Variants in DLG2 observed in about 807,000 individuals in gnomAD.
DLG2 encodes disks large homolog 2.
Under a neutral mutation model 132.5 loss-of-function variants are expected in DLG2, and 45 were observed. The ratio of observed to expected loss-of-function variants is 0.34; its 90% CI spans 0.27 to 0.44. The LOEUF (loss-of-function observed/expected upper bound fraction) is 0.44, where lower values mean the gene tolerates loss of function less well. DLG2 is among the 20% of genes least tolerant of loss of function. The pLI, the probability that DLG2 is intolerant of heterozygous loss-of-function variation, is 1.00. For missense variants in DLG2, 1,045 were observed against 1,196.9 expected, an observed-to-expected ratio of 0.87 and a Z score of 1.87; for synonymous variants, 424 against 419.6, an observed-to-expected ratio of 1.01 and a Z score of -0.13.
At chr11:83,623,210 T>C (rs1220779337) in intron 19 of DLG2, among the ~76,000 whole-genome samples, 2 of 152,296 alleles carry the variant, frequency 1.3e-5, no homozygotes, top group East Asian at 1.9e-4. Context: ...TTAAAGTCTA[T>C]TTTATTTGAT....
At chr11:83,891,087 A>C (rs1259136509) in intron 15 of DLG2, among the ~76,000 whole-genome samples, 3 of 152,200 alleles carry the variant, frequency 2.0e-5, no homozygotes, top group Admixed American at 2.0e-4. Context: ...TTACAGTTTA[A>C]TCTCAGAAGT....
intron 10 of DLG2, among the ~76,000 whole-genome samples, chr11:84,070,560 A>G (rs536167601): frequency 1.3e-5 from 2 of 152,354 alleles, no homozygotes; most frequent in South Asian, 4.1e-4. Context: ...ATCTACTCCA[A>G]TCCCAGAAAT....
intron 16 of DLG2, among the ~76,000 whole-genome samples, chr11:83,849,749 C>CTT (rs67717983): frequency 6.8e-6 from 1 of 145,988 alleles, no homozygotes; most frequent in Admixed American, 6.8e-5. Context: ...TCTGGAGCTC[C>CTT]TTTTTTTTTT....
At chr11:84,082,049 T>G (rs1049430131) in intron 10 of DLG2, among the ~76,000 whole-genome samples, 3 of 152,222 alleles carry the variant, frequency 2.0e-5, no homozygotes, top group African/African-American at 7.2e-5. Flanking sequence ...ACTGTGGTTT[T>G]GATTTGCATT....
chr11:84,738,674 C>CTGGTGGGAATGTAAAA (rs2064187680), intron 6 of DLG2, among the ~76,000 whole-genome samples: 1 of 152,112 alleles, frequency 6.6e-6, no homozygotes, highest in Non-Finnish European at 1.5e-5. Context: ...CCCTACATTG[C>CTGGTGGGAATGTAAAA]TGGTGGGAAT....
At chr11:84,725,524 G>A (rs541258743) in intron 6 of DLG2, among the ~76,000 whole-genome samples, 1 of 152,228 alleles carries the variant, frequency 6.6e-6, no homozygotes, top group African/African-American at 2.4e-5. Context: ...GGCAGAGAGG[G>A]ATATGAATGT....
At chr11:85,572,896 T>C (rs917312720) in intron 3 of DLG2, among the ~76,000 whole-genome samples, 1 of 152,204 alleles carries the variant, frequency 6.6e-6, no homozygotes, top group African/African-American at 2.4e-5. Flanking sequence ...TAATCCTCAA[T>C]GTTGGAGGTA....
In DLG2 at chr11:85,392,651, C is replaced by T. The variant is rs114181890; in HGVS notation, c.41-107286G>A. 9.1e-3 allele frequency among the ~76,000 whole-genome samples: 1,382 copies of T among 152,134 alleles called. 17 individuals are homozygous for T. The highest frequency in any genetic ancestry group is 0.031 in the African/African-American group (1,268 of 41,526). On this transcript the variant is annotated intron_variant, in intron 3 of 27. Transcript: ENST00000376104. ...TAGACCAATGGAACACAATAGAGAA[C>T]GCAGAAATAAACTCAAATACTCACA... is the stretch of plus-strand genomic sequence containing the variant.
intron 10 of DLG2, among the ~76,000 whole-genome samples, chr11:84,062,048 G>A (rs575570404): frequency 4.9e-4 from 74 of 152,186 alleles, no homozygotes; most frequent in African/African-American, 1.6e-3. Flanking sequence ...GCTTTTCATA[G>A]AAGGGAGTGG....
At chr11:84,433,578 T>A (rs1320475700) in intron 7 of DLG2, among the ~76,000 whole-genome samples, 1 of 152,258 alleles carries the variant, frequency 6.6e-6, no homozygotes, top group Middle Eastern at 3.2e-3. Context: ...TCAGAGAATT[T>A]GTTGGTACAA....
At chr11:83,607,748 T>C (rs2059555222) in intron 19 of DLG2, among the ~76,000 whole-genome samples, 1 of 152,224 alleles carries the variant, frequency 6.6e-6, no homozygotes, top group Non-Finnish European at 1.5e-5. Flanking sequence ...AAACAAATTG[T>C]ATTATATTCA....
chr11:84,325,975 G>T (rs1312599517), intron 7 of DLG2, among the ~76,000 whole-genome samples: 1 of 151,968 alleles, frequency 6.6e-6, no homozygotes, highest in Admixed American at 6.6e-5. Flanking sequence ...GTTTTGGAAG[G>T]TTATATGTTT....
chr11:84,765,412 A>G (rs2068267599), intron 6 of DLG2, among the ~76,000 whole-genome samples: 1 of 152,084 alleles, frequency 6.6e-6, no homozygotes, highest in Non-Finnish European at 1.5e-5. Context: ...GACATCTGAT[A>G]GTACTGACTC....
In DLG2 at chr11:84,716,544, T is replaced by C. The variant is rs537308002; in HGVS notation, c.358-181813A>G. The stretch of plus-strand genomic sequence containing the variant: ...AATTCAATACTTTGATCTTTGTGGA[T>C]GGAGAAAACAGTTAAGTGAAGGTAA... On this transcript the variant is annotated intron_variant, in intron 6 of 27. Transcript: ENST00000376104. Among the ~76,000 whole-genome samples the C allele has an allele frequency of 3.7e-4, 56 of 151,966 alleles. 1 individual carries two copies. The highest frequency in any genetic ancestry group is 7.5e-4 in the Non-Finnish European group (51 of 67,918).
intron 15 of DLG2, among the ~76,000 whole-genome samples, chr11:83,893,271 G>T (rs919319227): frequency 6.6e-6 from 1 of 152,146 alleles, no homozygotes; most frequent in African/African-American, 2.4e-5. Context: ...GTCATAAGTT[G>T]CCCAACTCAC....
chr11:84,338,922 T>C (rs2098501240), intron 7 of DLG2, among the ~76,000 whole-genome samples: 1 of 152,234 alleles, frequency 6.6e-6, no homozygotes, highest in Non-Finnish European at 1.5e-5. Flanking sequence ...ATCATTTTAC[T>C]AGTCATAAAT....
intron 5 of DLG2, among the ~76,000 whole-genome samples, chr11:85,125,316 T>C (rs534213877): frequency 1.3e-5 from 2 of 152,102 alleles, no homozygotes; most frequent in Non-Finnish European, 2.9e-5. Context: ...AAAGGGCTAA[T>C]GTTATGAAGT....
intron 2 of DLG2, among the ~76,000 whole-genome samples, chr11:85,609,340 T>C (rs2080824509): frequency 6.6e-6 from 1 of 152,112 alleles, no homozygotes; most frequent in Admixed American, 6.5e-5. Context: ...TCTGGAGGCA[T>C]TATTAAACCA....
intron 6 of DLG2, among the ~76,000 whole-genome samples, chr11:85,100,935 AT>A (rs900313273): frequency 5.9e-5 from 9 of 152,288 alleles, no homozygotes; most frequent in Non-Finnish European, 1.2e-4. Context: ...AAATTTGCAA[AT>A]GTTTTTGGTA....
Sources: gnomAD v4.1 joint callset for allele counts (sites outside exome capture counted in the v4.1 genomes callset) on GRCh38, gnomAD v4.1.1 for gene constraint, MANE v1.5 for transcripts, NCBI Gene and HGNC (gene_info 2026-07-23, HGNC 2026-07-21) for gene names.